KIF5C: variants seen among roughly 807,000 people sequenced by gnomAD.
KIF5C encodes kinesin heavy chain isoform 5C.
A neutral mutation model predicts 125.2 loss-of-function variants in KIF5C; 18 were observed. The observed-to-expected ratio is 0.14, with a 90% CI of 0.10 to 0.21. The LOEUF (loss-of-function observed/expected upper bound fraction) is 0.21, where lower values mean the gene tolerates loss of function less well. Among genes scored for constraint, KIF5C ranks in the 10% least tolerant of loss-of-function variants. The probability of loss-of-function intolerance (pLI) is 1.00; values close to 1 mark genes in which losing one functional copy is unlikely to be tolerated. For missense variants in KIF5C, 780 were observed against 1,183.8 expected, an observed-to-expected ratio of 0.66 and a Z score of 5.01; for synonymous variants, 405 against 434.0, an observed-to-expected ratio of 0.93 and a Z score of 0.83.
intron 1 of KIF5C, among the ~76,000 whole-genome samples, chr2:148,889,340 T>TAACTATTTAGCA (rs1482232172): frequency 6.6e-6 from 1 of 152,252 alleles, no homozygotes; most frequent in East Asian, 1.9e-4. Context: ...ACTAATTGTA[T>TAACTATTTAGCA]AACTATTTAG....
intron 2 of KIF5C, among the ~76,000 whole-genome samples, chr2:148,926,725 A>C (rs1160479336): frequency 6.6e-6 from 1 of 152,184 alleles, no homozygotes; most frequent in Non-Finnish European, 1.5e-5. Flanking sequence ...AGAAGCCCCC[A>C]AAACCTGGAG....
chr2:148,892,112 A>G (rs1681724188), intron 1 of KIF5C, among the ~76,000 whole-genome samples: 1 of 152,236 alleles, frequency 6.6e-6, no homozygotes, highest in African/African-American at 2.4e-5. Context: ...TGAAGGTCAC[A>G]GAAGAGTAAG....
At chr2:149,011,978 C>T (rs1682222211) in intron 25 of KIF5C, among the ~76,000 whole-genome samples, 1 of 152,216 alleles carries the variant, frequency 6.6e-6, no homozygotes, top group Admixed American at 6.5e-5. Flanking sequence ...GCCTGTGGGA[C>T]TCCCCTCTTT....
intron 10 of KIF5C, among the ~76,000 whole-genome samples, chr2:148,959,464 T>G (rs1269147580): frequency 6.6e-6 from 1 of 152,180 alleles, no homozygotes; most frequent in Admixed American, 6.5e-5. Context: ...ACTTTAATTC[T>G]CTAGAGCAAT....
intron 10 of KIF5C, among the ~76,000 whole-genome samples, chr2:148,954,054 C>T (rs1214815334): frequency 2.0e-5 from 3 of 148,862 alleles, no homozygotes; most frequent in African/African-American, 5.0e-5. Context: ...CGACAGGCCC[C>T]GATATGTGAT....
At chr2:148,932,203 A>G (rs188180312) in intron 3 of KIF5C, among the ~76,000 whole-genome samples, 2 of 152,282 alleles carry the variant, frequency 1.3e-5, no homozygotes, top group East Asian at 3.9e-4. Context: ...TATGTATTCA[A>G]ATTACACATT....
intron 1 of KIF5C, among the ~76,000 whole-genome samples, chr2:148,913,594 T>C (rs1681426774): frequency 1.3e-5 from 2 of 152,334 alleles, no homozygotes; most frequent in South Asian, 4.1e-4. Flanking sequence ...GCTTTTGTTT[T>C]TGATTTTTTA....
intron 11 of KIF5C, among the ~76,000 whole-genome samples, chr2:148,966,515 AC>A (rs1683055085): frequency 6.6e-6 from 1 of 152,200 alleles, no homozygotes; most frequent in African/African-American, 2.4e-5. Context: ...CAGTGTTGGG[AC>A]TGTGCCACAG....
At chr2:148,894,778 T>A (rs923519847) in intron 1 of KIF5C, among the ~76,000 whole-genome samples, 8 of 151,344 alleles carry the variant, frequency 5.3e-5, no homozygotes, top group African/African-American at 1.9e-4. Context: ...TTCAGTAGTT[T>A]CTTTTTACTT....
At chr2:148,975,929 T>C (rs1171076299) in intron 12 of KIF5C, among the ~76,000 whole-genome samples, 1 of 152,118 alleles carries the variant, frequency 6.6e-6, no homozygotes, top group Non-Finnish European at 1.5e-5. Context: ...CTTCCTTCTT[T>C]CTCCTGGGCT....
intron 10 of KIF5C, 32 bp from the exon 11 acceptor site, chr2:148,961,939 G>A: frequency 6.3e-7 from 1 of 1,596,014 alleles, no homozygotes; most frequent in Non-Finnish European, 8.5e-7. Flanking sequence ...GTAATAATTA[G>A]CTGAATTGTC....
intron 16 of KIF5C, among the ~76,000 whole-genome samples, chr2:148,992,804 AAAAATT>A (rs764959743): frequency 2.0e-4 from 30 of 152,218 alleles, no homozygotes; most frequent in Non-Finnish European, 4.3e-4. Flanking sequence ...GTTATTTATA[AAAAATT>A]AAAATAAAAA....
chr2:149,000,991 TG>T (rs1374221480), intron 21 of KIF5C, among the ~76,000 whole-genome samples: 1 of 152,232 alleles, frequency 6.6e-6, no homozygotes, highest in Non-Finnish European at 1.5e-5. Flanking sequence ...AGCAGTAACC[TG>T]GAGCCCCTGA....
chr2:148,941,773 G>C (rs895389723), intron 5 of KIF5C, 115 bp downstream of exon 5: 2 of 1,464,184 alleles, frequency 1.4e-6, no homozygotes, highest in Admixed American at 4.7e-5. Context: ...GAGATACTCT[G>C]TTGCCTTCAG....
At chr2:148,899,875 G>A (rs910169412) in intron 1 of KIF5C, among the ~76,000 whole-genome samples, 2 of 152,052 alleles carry the variant, frequency 1.3e-5, no homozygotes, top group African/African-American at 4.8e-5. Flanking sequence ...TATGTCTCCT[G>A]TGTTCACAGC....
chr2:148,958,221 A>G (rs1452126359), intron 10 of KIF5C, among the ~76,000 whole-genome samples: 2 of 152,200 alleles, frequency 1.3e-5, no homozygotes, highest in African/African-American at 2.4e-5. Context: ...GGAGCAGGTC[A>G]TAAGGTGTGA....
intron 1 of KIF5C, 41 bp from the exon 2 acceptor site, chr2:148,922,096 G>A: frequency 7.0e-7 from 1 of 1,422,368 alleles, no homozygotes. Flanking sequence ...CATCTAATGT[G>A]TTTTTTCCAC....
At chr2:149,017,614 G>A (rs1265145352) in intron 25 of KIF5C, among the ~76,000 whole-genome samples, 1 of 152,132 alleles carries the variant, frequency 6.6e-6, no homozygotes, top group Non-Finnish European at 1.5e-5. Flanking sequence ...AACCTTAGAT[G>A]TTTTCTGAAA....
At chr2:148,898,196 G>A (rs1055123178) in intron 1 of KIF5C, among the ~76,000 whole-genome samples, 1 of 152,084 alleles carries the variant, frequency 6.6e-6, no homozygotes, top group Non-Finnish European at 1.5e-5. Context: ...GGCACCTAGG[G>A]AGTGGAGAGT....
Sources: gnomAD v4.1 joint callset for allele counts (sites outside exome capture counted in the v4.1 genomes callset) on GRCh38, gnomAD v4.1.1 for gene constraint, MANE v1.5 for transcripts, NCBI Gene and HGNC (gene_info 2026-07-23, HGNC 2026-07-21) for gene names.